LARGE1: variants seen among roughly 807,000 people sequenced by gnomAD.
The protein encoded by LARGE1 is LARGE xylosyl- and glucuronyltransferase 1, also known as xylosyl- and glucuronyltransferase LARGE1.
LARGE1 carries 43 observed loss-of-function variants against 87.6 expected under a neutral mutation model. The observed-to-expected ratio is 0.49, with a 90% CI of 0.38 to 0.63. The LOEUF (loss-of-function observed/expected upper bound fraction) is 0.63. LARGE1 is among the 30% of genes least tolerant of loss of function. LARGE1 has a pLI of 0.00. For synonymous variants in LARGE1, 434 were observed against 394.6 expected, an observed-to-expected ratio of 1.10 and a Z score of -1.18; for missense variants, 802 against 1,000.2, an observed-to-expected ratio of 0.80 and a Z score of 2.67.
chr22:33,219,476 A>G (rs140353169), intron 11 of LARGE1, among the ~76,000 whole-genome samples: 180 of 152,330 alleles, frequency 1.2e-3, no homozygotes, highest in African/African-American at 4.2e-3. Context: ...CTAAATATTG[A>G]GAAACTTTTC....
chr22:33,682,749 T>C (rs773835730), intron 2 of LARGE1, among the ~76,000 whole-genome samples: 1 of 152,192 alleles, frequency 6.6e-6, no homozygotes, highest in Non-Finnish European at 1.5e-5. Context: ...ACAAATATGT[T>C]TGCAAGTATA....
At chr22:33,185,636 G>T (rs950590277) in intron 11 of LARGE1, among the ~76,000 whole-genome samples, 2 of 152,124 alleles carry the variant, frequency 1.3e-5, no homozygotes, top group Non-Finnish European at 2.9e-5. Flanking sequence ...AGAGGGAAGA[G>T]TCTGTGCGTG....
chr22:33,852,092 G>A (rs554669727), intron 1 of LARGE1, among the ~76,000 whole-genome samples: 93 of 152,176 alleles, frequency 6.1e-4, no homozygotes, highest in South Asian at 1.9e-3. Flanking sequence ...GAGCCAGGCT[G>A]GCTCTAAGCA....
chr22:33,852,677 T>C (rs1460453043), intron 1 of LARGE1, among the ~76,000 whole-genome samples: 2 of 150,578 alleles, frequency 1.3e-5, no homozygotes, highest in African/African-American at 4.9e-5. Context: ...TGAAATCCCG[T>C]CTCTACTAAA....
chr22:33,370,231 T>A (rs2064757561), intron 9 of LARGE1, among the ~76,000 whole-genome samples: 1 of 150,588 alleles, frequency 6.6e-6, no homozygotes, highest in African/African-American at 2.4e-5. Flanking sequence ...CAGGGGCCGT[T>A]AAAAAAAAAT....
At chr22:33,850,537 T>A (rs1274246922) in intron 1 of LARGE1, among the ~76,000 whole-genome samples, 1 of 152,192 alleles carries the variant, frequency 6.6e-6, no homozygotes, top group Admixed American at 6.5e-5. Context: ...GAATCCAGTG[T>A]CCAGCATATA....
intron 12 of LARGE1, among the ~76,000 whole-genome samples, chr22:33,298,888 A>G (rs1569027082): frequency 1.3e-5 from 2 of 148,728 alleles, no homozygotes; most frequent in Non-Finnish European, 3.0e-5. Flanking sequence ...GAAAAAGGAA[A>G]GATGGAAAGA....
intron 9 of LARGE1, among the ~76,000 whole-genome samples, chr22:33,350,731 C>G (rs916902958): frequency 3.3e-5 from 5 of 152,212 alleles, no homozygotes; most frequent in Non-Finnish European, 7.3e-5. Flanking sequence ...GCTCTTTTGT[C>G]TGCCCCGCAT....
At chr22:33,791,053 AG>A (rs1179515709) in intron 1 of LARGE1, among the ~76,000 whole-genome samples, 1 of 152,256 alleles carries the variant, frequency 6.6e-6, no homozygotes, top group African/African-American at 2.4e-5. Context: ...TATAAAGGAT[AG>A]ATGGTCTGTT....
intron 6 of LARGE1, among the ~76,000 whole-genome samples, chr22:33,435,228 C>T (rs2067225530): frequency 6.6e-6 from 1 of 152,134 alleles, no homozygotes; most frequent in Non-Finnish European, 1.5e-5. Context: ...TCTCGAACTC[C>T]TAACCTCAGG....
intron 1 of LARGE1, among the ~76,000 whole-genome samples, chr22:33,880,618 G>A (rs1445100346): frequency 1.3e-5 from 2 of 152,166 alleles, no homozygotes; most frequent in African/African-American, 4.8e-5. Context: ...CAGTGAAGCA[G>A]AGCCACCCCA....
chr22:33,604,605 T>G (rs1054467799), intron 4 of LARGE1, 47 bp from the exon 5 acceptor site: 4 of 1,612,932 alleles, frequency 2.5e-6, no homozygotes, highest in East Asian at 2.2e-5. Flanking sequence ...GGTACGGCTC[T>G]TTGAATTACA....
chr22:33,205,948 C>CTTTTTTTTTTT (rs386395258), intron 11 of LARGE1, among the ~76,000 whole-genome samples: 16 of 84,964 alleles, frequency 1.9e-4, no homozygotes, highest in South Asian at 4.9e-4. Flanking sequence ...CATGCTAATT[C>CTTTTTTTTTTT]TTTTTTTTTT....
At chr22:33,470,532 G>T (rs1345819588) in intron 6 of LARGE1, among the ~76,000 whole-genome samples, 1 of 152,178 alleles carries the variant, frequency 6.6e-6, no homozygotes. Flanking sequence ...TCTCCTCTCT[G>T]TCAAAACACA....
chr22:33,302,908 C>T (rs893485213), intron 12 of LARGE1, among the ~76,000 whole-genome samples: 41 of 152,162 alleles, frequency 2.7e-4, no homozygotes, highest in African/African-American at 9.9e-4. Context: ...CTCTGGGGTT[C>T]GATGTGTAGA....
intron 2 of LARGE1, among the ~76,000 whole-genome samples, chr22:33,687,549 G>C (rs1313753460): frequency 6.6e-6 from 1 of 152,174 alleles, no homozygotes; most frequent in Non-Finnish European, 1.5e-5. Context: ...TAGGCACGAA[G>C]CAGACATTTG....
At chr22:33,566,878 T>C (rs2148796538) in intron 5 of LARGE1, among the ~76,000 whole-genome samples, 1 of 152,258 alleles carries the variant, frequency 6.6e-6, no homozygotes, top group Middle Eastern at 3.4e-3. Flanking sequence ...TCGCTAGACA[T>C]AAAAGTTCTC....
intron 11 of LARGE1, among the ~76,000 whole-genome samples, chr22:33,204,973 T>C (rs1463288291): frequency 6.6e-6 from 1 of 152,124 alleles, no homozygotes; most frequent in Admixed American, 6.5e-5. Context: ...TCAGAACACA[T>C]TTATGAAATA....
chr22:33,627,196 G>A (rs552915408), intron 3 of LARGE1, among the ~76,000 whole-genome samples: 1 of 152,336 alleles, frequency 6.6e-6, no homozygotes, highest in East Asian at 1.9e-4. Flanking sequence ...GGCGGGGCTG[G>A]CATCCTCAGG....
Sources: gnomAD v4.1 joint callset for allele counts (sites outside exome capture counted in the v4.1 genomes callset) on GRCh38, gnomAD v4.1.1 for gene constraint, MANE v1.5 for transcripts, NCBI Gene and HGNC (gene_info 2026-07-23, HGNC 2026-07-21) for gene names.